The following ALK variants were observed in gnomAD, a reference collection of about 807,000 sequenced individuals.
ALK encodes ALK receptor tyrosine kinase.
In ALK, 74 loss-of-function variants were observed where a neutral mutation model predicts 163.1. The ratio of observed to expected loss-of-function variants is 0.45; its 90% CI spans 0.38 to 0.55. The LOEUF (loss-of-function observed/expected upper bound fraction) is 0.55. Ranked by LOEUF, ALK falls within the 20% of genes least tolerant of loss-of-function variation. The probability of loss-of-function intolerance (pLI) is 0.00; values close to 1 mark genes in which losing one functional copy is unlikely to be tolerated. For synonymous variants in ALK, 960 were observed against 843.2 expected, an observed-to-expected ratio of 1.14 and a Z score of -2.40; for missense variants, 2,063 against 2,105.3, an observed-to-expected ratio of 0.98 and a Z score of 0.39.
intron 4 of ALK, among the ~76,000 whole-genome samples, chr2:29,453,103 G>A (rs917982040): frequency 6.6e-6 from 1 of 152,226 alleles, no homozygotes; most frequent in East Asian, 1.9e-4. Flanking sequence ...TTGTATCAAT[G>A]TTGATTTTCT....
chr2:29,912,708 C>T (rs1334733513), intron 1 of ALK, among the ~76,000 whole-genome samples: 2 of 151,718 alleles, frequency 1.3e-5, no homozygotes, highest in East Asian at 3.9e-4. Context: ...ATTTATAATA[C>T]ATATATAAAT....
chr2:29,368,769 T>TG (rs1668572305), intron 5 of ALK, among the ~76,000 whole-genome samples: 1 of 152,308 alleles, frequency 6.6e-6, no homozygotes, highest in Non-Finnish European at 1.5e-5. Flanking sequence ...TTCTGAGACT[T>TG]GGCATTTGTT....
chr2:29,746,880 T>G (rs1680218714), intron 1 of ALK, among the ~76,000 whole-genome samples: 1 of 152,262 alleles, frequency 6.6e-6, no homozygotes, highest in African/African-American at 2.4e-5. Flanking sequence ...TCATAATGTT[T>G]GTGCAGAAAC....
At chr2:29,882,908 G>A (rs1192701410) in intron 1 of ALK, among the ~76,000 whole-genome samples, 1 of 152,124 alleles carries the variant, frequency 6.6e-6, no homozygotes, top group African/African-American at 2.4e-5. Context: ...AAACTTAACT[G>A]ATCATCATGT....
At chr2:29,634,204 T>C (rs1471174051) in intron 3 of ALK, among the ~76,000 whole-genome samples, 3 of 152,074 alleles carry the variant, frequency 2.0e-5, no homozygotes, top group Admixed American at 1.3e-4. Flanking sequence ...TTCAAGTGAT[T>C]CTCCTGCCTC....
At chr2:29,486,094 C>T (rs1671770031) in intron 4 of ALK, among the ~76,000 whole-genome samples, 1 of 476 alleles carries the variant, frequency 2.1e-3, no homozygotes, top group African/African-American at 2.6e-3. Flanking sequence ...GAGATGGAAA[C>T]ACGGTGTCTA....
At chr2:29,387,914 G>T (rs1573307479) in intron 4 of ALK, among the ~76,000 whole-genome samples, 1 of 152,266 alleles carries the variant, frequency 6.6e-6, no homozygotes, top group East Asian at 1.9e-4. Flanking sequence ...GCAACCTATG[G>T]ATCAGTCTAT....
At chr2:29,549,307 T>C (rs900729918) in intron 3 of ALK, among the ~76,000 whole-genome samples, 1 of 152,208 alleles carries the variant, frequency 6.6e-6, no homozygotes, top group South Asian at 2.1e-4. Context: ...TGTCCATATG[T>C]GGAAATCACA....
chr2:29,506,745 C>CAAA (rs199967581), intron 4 of ALK, among the ~76,000 whole-genome samples: 1 of 104,622 alleles, frequency 9.6e-6, no homozygotes, highest in Non-Finnish European at 2.1e-5. Flanking sequence ...GACTCCGTCT[C>CAAA]AAAAACAAAA....
intron 1 of ALK, among the ~76,000 whole-genome samples, chr2:29,750,928 G>A (rs1406528785): frequency 6.6e-6 from 1 of 152,046 alleles, no homozygotes; most frequent in Non-Finnish European, 1.5e-5. Flanking sequence ...AAATTAGCAG[G>A]GCATGGTGGC....
rs142693666 is a variant in ALK at position 29,521,330 on chromosome 2, C to T, written c.1154+10585G>A. Among the ~76,000 whole-genome samples the T allele has an allele frequency of 8.8e-4, 134 of 152,248 alleles. 1 individual carries two copies. In the East Asian group the frequency reaches 0.017, roughly 19 times the overall value. Reference sequence around the variant, plus strand: ...CAGTGGCCTCCCCTAGGGACCCTCCCTTTTCTCACCACCACAAGACTTCCC... The same window carrying T: ...CAGTGGCCTCCCCTAGGGACCCTCCTTTTTCTCACCACCACAAGACTTCCC... On this transcript the variant is annotated intron_variant, in intron 4 of 28. Transcript: ENST00000389048.
intron 3 of ALK, among the ~76,000 whole-genome samples, chr2:29,541,275 C>G (rs1171128536): frequency 6.6e-6 from 1 of 152,176 alleles, no homozygotes; most frequent in African/African-American, 2.4e-5. Context: ...ACCCAAACCT[C>G]TCCAAAGCTA....
chr2:29,673,720 C>T (rs1383682042), intron 3 of ALK, among the ~76,000 whole-genome samples: 1 of 149,936 alleles, frequency 6.7e-6, no homozygotes, highest in East Asian at 2.0e-4. Flanking sequence ...TGAAGAAAGG[C>T]ATTGGTAGCT....
At chr2:29,358,213 T>G (rs1668298868) in intron 5 of ALK, among the ~76,000 whole-genome samples, 1 of 152,206 alleles carries the variant, frequency 6.6e-6, no homozygotes, top group Non-Finnish European at 1.5e-5. Flanking sequence ...AAACAATAAC[T>G]GAACCAAGAC....
intron 1 of ALK, among the ~76,000 whole-genome samples, chr2:29,783,723 A>G (rs543827297): frequency 2.4e-4 from 37 of 152,332 alleles, no homozygotes; most frequent in African/African-American, 8.2e-4. Context: ...AGGAGTTCGA[A>G]AGGACACAGG....
intron 1 of ALK, among the ~76,000 whole-genome samples, chr2:29,740,716 A>C (rs185684718): frequency 6.6e-6 from 1 of 152,328 alleles, no homozygotes; most frequent in East Asian, 1.9e-4. Context: ...GAAATGTGCT[A>C]TTAGGCTAGG....
intron 11 of ALK, among the ~76,000 whole-genome samples, chr2:29,259,023 G>A (rs1461301812): frequency 1.3e-5 from 2 of 152,136 alleles, no homozygotes; most frequent in African/African-American, 2.4e-5. Flanking sequence ...GGTACATCAT[G>A]AGTTCATATT....
intron 1 of ALK, among the ~76,000 whole-genome samples, chr2:29,832,710 A>T (rs1358427652): frequency 2.0e-5 from 3 of 152,194 alleles, no homozygotes; most frequent in Admixed American, 2.0e-4. Flanking sequence ...CCACCCATTT[A>T]TCCATCCAGC....
chr2:29,713,092 C>A (rs1013031724), intron 2 of ALK, among the ~76,000 whole-genome samples: 12 of 152,268 alleles, frequency 7.9e-5, no homozygotes, highest in Middle Eastern at 3.4e-3. Flanking sequence ...CTCTTAGCTC[C>A]CAATGCTGCC....
Sources: allele counts gnomAD v4.1 joint callset (sites outside exome capture counted in the v4.1 genomes callset), GRCh38; gene constraint gnomAD v4.1.1; transcripts MANE v1.5; gene names NCBI Gene and HGNC (gene_info 2026-07-23, HGNC 2026-07-21).